The following GRM8 variants were observed in gnomAD, a reference collection of about 807,000 sequenced individuals.
GRM8 encodes the protein metabotropic glutamate receptor 8.
GRM8 carries 47 observed loss-of-function variants against 87.2 expected under a neutral mutation model. The ratio of observed to expected loss-of-function variants is 0.54; its 90% CI spans 0.43 to 0.69. The LOEUF is 0.69. Ranked by LOEUF, GRM8 falls within the 30% of genes least tolerant of loss-of-function variation. GRM8 has a pLI of 0.00. For synonymous variants in GRM8, 396 were observed against 404.5 expected (o/e 0.98, Z 0.25); for missense variants, 1,019 against 1,139.2 (o/e 0.89, Z 1.52).
chr7:127,180,104 C>A (rs1794349270), intron 2 of GRM8, among the ~76,000 whole-genome samples: 1 of 151,938 alleles, frequency 6.6e-6, no homozygotes, highest in Non-Finnish European at 1.5e-5. Flanking sequence ...AGACCATCAG[C>A]AAGATTAACC....
chr7:126,464,430 CTCTG>C (rs758720261), intron 9 of GRM8, among the ~76,000 whole-genome samples: 1 of 151,530 alleles, frequency 6.6e-6, no homozygotes, highest in Non-Finnish European at 1.5e-5. Context: ...GATTCTGTCA[CTCTG>C]TCTTTTGATT....
At chr7:126,738,080 G>A (rs1290649665) in intron 7 of GRM8, among the ~76,000 whole-genome samples, 5 of 152,106 alleles carry the variant, frequency 3.3e-5, no homozygotes, top group African/African-American at 1.2e-4. Flanking sequence ...AACAACATAT[G>A]TGCTATCATA....
chr7:127,204,334 T>C (rs2116581638), intron 2 of GRM8, among the ~76,000 whole-genome samples: 1 of 152,272 alleles, frequency 6.6e-6, no homozygotes, highest in African/African-American at 2.4e-5. Flanking sequence ...ACCAAAGCAA[T>C]GTGGTCAGGA....
chr7:127,039,552 A>G (rs1439947670), intron 3 of GRM8, among the ~76,000 whole-genome samples: 2 of 148,610 alleles, frequency 1.3e-5, no homozygotes, highest in Non-Finnish European at 3.0e-5. Flanking sequence ...GGAAATGAGG[A>G]GGGAGCCTGT....
chr7:127,162,480 G>A (rs1233117110), intron 2 of GRM8, among the ~76,000 whole-genome samples: 3 of 152,144 alleles, frequency 2.0e-5, no homozygotes, highest in Non-Finnish European at 2.9e-5. Context: ...AAGACTTCAG[G>A]ATGGCTTTCT....
At chr7:126,876,937 T>TAAAA (rs34353722) in intron 6 of GRM8, among the ~76,000 whole-genome samples, 2 of 147,064 alleles carry the variant, frequency 1.4e-5, no homozygotes, top group African/African-American at 2.5e-5. Flanking sequence ...ACAAACTCTT[T>TAAAA]AAAAAAAAAA....
intron 7 of GRM8, among the ~76,000 whole-genome samples, chr7:126,667,633 C>G: frequency 6.6e-6 from 1 of 152,184 alleles, no homozygotes; most frequent in East Asian, 1.9e-4. Context: ...AAGGGAAGCA[C>G]AACTTCACCT....
intron 3 of GRM8, among the ~76,000 whole-genome samples, chr7:126,942,760 G>A (rs1419471): frequency 0.32 from 48,542 of 151,926 alleles, 7,800 homozygotes; most frequent in Non-Finnish European, 0.35. Context: ...AGACTCACCG[G>A]TGCTAACCTT....
intron 3 of GRM8, among the ~76,000 whole-genome samples, chr7:126,915,810 C>A (rs935810333): frequency 5.1e-4 from 77 of 152,122 alleles, no homozygotes; most frequent in African/African-American, 1.8e-3. Flanking sequence ...ATCTATGGAA[C>A]TGGGCAGAAA....
chr7:126,505,470 T>A (rs1810309996), intron 9 of GRM8, among the ~76,000 whole-genome samples: 3 of 151,996 alleles, frequency 2.0e-5, no homozygotes, highest in Admixed American at 1.3e-4. Context: ...AGAGAACTCC[T>A]CAGAATCTAG....
chr7:126,797,839 T>C (rs1822134562), intron 6 of GRM8, among the ~76,000 whole-genome samples: 1 of 152,122 alleles, frequency 6.6e-6, no homozygotes, highest in African/African-American at 2.4e-5. Context: ...CTCTTCTCCC[T>C]CATAGCAACA....
chr7:127,092,850 T>C (rs1824282771), intron 3 of GRM8, among the ~76,000 whole-genome samples: 1 of 152,254 alleles, frequency 6.6e-6, no homozygotes, highest in African/African-American at 2.4e-5. Context: ...CCACCATCTC[T>C]GATCTGTGCT....
chr7:127,122,529 A>T (rs538001043), intron 2 of GRM8, among the ~76,000 whole-genome samples: 1 of 152,206 alleles, frequency 6.6e-6, no homozygotes, highest in African/African-American at 2.4e-5. Context: ...CTGTCTTTTA[A>T]AAAAATACCA....
At chr7:126,744,823 A>G (rs911853444) in intron 7 of GRM8, among the ~76,000 whole-genome samples, 11 of 151,984 alleles carry the variant, frequency 7.2e-5, no homozygotes, top group African/African-American at 2.7e-4. Flanking sequence ...AGTGGAAGAT[A>G]TAAGAATGCA....
At chr7:126,936,136 C>G (rs140943892) in intron 3 of GRM8, among the ~76,000 whole-genome samples, 26 of 152,124 alleles carry the variant, frequency 1.7e-4, no homozygotes, top group Non-Finnish European at 3.4e-4. Context: ...CACACAGATA[C>G]GTTTCCATGA....
At chr7:127,058,612 A>G (rs1287887270) in intron 3 of GRM8, among the ~76,000 whole-genome samples, 1 of 152,080 alleles carries the variant, frequency 6.6e-6, no homozygotes, top group Non-Finnish European at 1.5e-5. Flanking sequence ...CTTCACCACA[A>G]CATTCCTCTT....
intron 6 of GRM8, among the ~76,000 whole-genome samples, chr7:126,771,173 A>T (rs1818806396): frequency 6.6e-6 from 1 of 152,134 alleles, no homozygotes; most frequent in South Asian, 2.1e-4. Flanking sequence ...TTGTTTTCTG[A>T]ACATCAATGC....
At chr7:127,172,795 G>A (rs1793892806) in intron 2 of GRM8, among the ~76,000 whole-genome samples, 2 of 151,866 alleles carry the variant, frequency 1.3e-5, no homozygotes, top group Admixed American at 6.6e-5. Flanking sequence ...TAATTTTTAA[G>A]ATAATTTTGT....
chr7:126,947,349 A>G (rs908800527), intron 3 of GRM8, among the ~76,000 whole-genome samples: 3 of 152,162 alleles, frequency 2.0e-5, no homozygotes, highest in South Asian at 2.1e-4. Context: ...CCCCTTGTAT[A>G]TATTATCAGT....
Sources: allele counts gnomAD v4.1 joint callset (sites outside exome capture counted in the v4.1 genomes callset), GRCh38; gene constraint gnomAD v4.1.1; transcripts MANE v1.5; gene names NCBI Gene and HGNC (gene_info 2026-07-23, HGNC 2026-07-21).